The following SH3TC2 variants were observed in gnomAD, a reference collection of about 807,000 sequenced individuals.
SH3TC2 encodes SH3 domain and tetratricopeptide repeats 2.
SH3TC2 carries 87 observed loss-of-function variants against 124.5 expected under a neutral mutation model. That is an observed-to-expected ratio of 0.70 (90% CI 0.59 to 0.84). SH3TC2 has a LOEUF of 0.84. SH3TC2 is among the 40% of genes least tolerant of loss of function. The pLI is 0.00. For synonymous variants in SH3TC2, 634 were observed against 628.5 expected, an observed-to-expected ratio of 1.01 and a Z score of -0.13; for missense variants, 1,536 against 1,566.4, an observed-to-expected ratio of 0.98 and a Z score of 0.33.
At chr5:149,061,871 G>A (rs1346617708) in intron 1 of SH3TC2, among the ~76,000 whole-genome samples, 1 of 152,098 alleles carries the variant, frequency 6.6e-6, no homozygotes, top group Non-Finnish European at 1.5e-5. Context: ...ATTGTTCATA[G>A]CTAAAGTCGT....
intron 15 of SH3TC2, chr5:149,007,891 A>T (rs1034435761): frequency 6.6e-6 from 1 of 152,632 alleles, no homozygotes; most frequent in African/African-American, 2.4e-5. Flanking sequence ...TGGAAAAATC[A>T]GCCACAGGGG....
rs1391677936 is a variant in SH3TC2, at chr5:149,004,682, C to T, written c.*29G>A. 2 of 1,610,614 alleles carry T rather than the reference C, an allele frequency of 1.2e-6. No individual in the cohort carries two copies. ...GCAGTGGGGTCAGAGTCTGGCCATGCCAAATGTCCAGAGACAGGACAGCTT... is the reference window on the plus strand; with the variant it reads ...GCAGTGGGGTCAGAGTCTGGCCATGTCAAATGTCCAGAGACAGGACAGCTT... On this transcript the variant is annotated 3_prime_UTR_variant, in exon 17 of 17. Transcript: ENST00000515425.
In SH3TC2 at chr5:148,994,730, GGATGGATGAATAGATGGATGAATA is replaced by G. The variant is rs886060146; in HGVS notation, c.*9957_*9980del. 2.0e-5 allele frequency among the ~76,000 whole-genome samples: 3 copies of G among 151,552 alleles called. No individual in the cohort carries two copies. The highest frequency in any genetic ancestry group is 7.3e-5 in the African/African-American group (3 of 41,218). ...TGGATGGATGGATGGATGGATGGAT[GGATGGATGAATAGATGGATGAATA>G]GATGGATGAATAGATGGATAACCGT... is the stretch of plus-strand genomic sequence containing the variant. On this transcript the variant is annotated 3_prime_UTR_variant, in exon 17 of 17. Coordinates refer to ENST00000515425, the MANE Select transcript of SH3TC2 (RefSeq NM_024577.4).
At chr5:149,031,274 C>G (rs961524304) in intron 9 of SH3TC2, among the ~76,000 whole-genome samples, 4 of 152,150 alleles carry the variant, frequency 2.6e-5, no homozygotes, top group African/African-American at 9.7e-5. Context: ...TTCTCCTCCC[C>G]CAAGATTAGG....
At chr5:149,031,460 A>G in intron 9 of SH3TC2, 94 bp downstream of exon 9, 1 of 1,546,576 alleles carries the variant, frequency 6.5e-7, no homozygotes, top group South Asian at 1.1e-5. Flanking sequence ...CATGAATAGG[A>G]TTAGAATTTA....
At chr5:149,062,261 A>G (rs556562752) in intron 1 of SH3TC2, 125 of 488,692 alleles carry the variant, frequency 2.6e-4, no homozygotes, top group Admixed American at 2.4e-3. Context: ...TAAACACCAC[A>G]CAAGAGAACA....
chr5:149,005,146 T>C (rs1482229129), intron 16 of SH3TC2, among the ~76,000 whole-genome samples: 1 of 152,102 alleles, frequency 6.6e-6, no homozygotes, highest in Non-Finnish European at 1.5e-5. Context: ...TTACTGAGGC[T>C]CAGCCAATCA....
intron 1 of SH3TC2, among the ~76,000 whole-genome samples, chr5:149,059,129 G>C (rs954985739): frequency 6.6e-6 from 1 of 152,074 alleles, no homozygotes; most frequent in Admixed American, 6.5e-5. Flanking sequence ...AATGAATGAA[G>C]GAAGGGATTT....
intron 8 of SH3TC2, among the ~76,000 whole-genome samples, chr5:149,032,950 C>T (rs1250125589): frequency 2.0e-5 from 3 of 152,138 alleles, no homozygotes; most frequent in Non-Finnish European, 4.4e-5. Context: ...AAATCTACAA[C>T]TAAATTCAAC....
rs948725951 is a variant in SH3TC2 at position 148,994,415 on chromosome 5, T to C, written c.*10296A>G. ...GGTAAAAGTGCTCAAATCTAAGCTG[T>C]GATGGTAAGAATAATAGGTAAGTTT... On this transcript the variant is annotated 3_prime_UTR_variant, in exon 17 of 17. Transcript: ENST00000515425. Among the ~76,000 whole-genome samples, 1 of 152,204 alleles carries C rather than the reference T, an allele frequency of 6.6e-6. No homozygotes were observed. Among genetic ancestry groups the C allele is most frequent in the African/African-American group, 2.4e-5 (1 of 41,436 alleles).
At chr5:149,025,809 A>T (rs1754053015) in intron 12 of SH3TC2, 1 of 152,256 alleles carries the variant, frequency 6.6e-6, no homozygotes, top group South Asian at 2.1e-4. Context: ...TTTTTACAAA[A>T]ATGAGGATTT....
At chr5:149,045,732 C>G (rs963188696) in intron 3 of SH3TC2, 1 of 173,132 alleles carries the variant, frequency 5.8e-6, no homozygotes, top group Non-Finnish European at 1.2e-5. Flanking sequence ...CTGCAACCTC[C>G]GCCTCCCAGG....
rs1212640755 is a variant in SH3TC2, at chr5:148,995,360, A to G, written c.*9351T>C. Among the ~76,000 whole-genome samples, 1 of 152,172 alleles carries G rather than the reference A, an allele frequency of 6.6e-6. No individual in the cohort carries two copies. Among genetic ancestry groups the G allele is most frequent in the African/African-American group, 2.4e-5 (1 of 41,436 alleles). On this transcript the variant is annotated 3_prime_UTR_variant, in exon 17 of 17. Transcript: ENST00000515425. ...TCACCTTCTTTGGAGGATCATTTGG[A>G]GGATCAAATCCTATACTGTGGGTAA...
At chr5:149,058,071 C>T (rs1207180378) in intron 1 of SH3TC2, among the ~76,000 whole-genome samples, 1 of 152,132 alleles carries the variant, frequency 6.6e-6, no homozygotes, top group East Asian at 1.9e-4. Flanking sequence ...AAAAACAGAG[C>T]TTAGGAAAGA....
intron 9 of SH3TC2, 57 bp from the exon 10 acceptor site, chr5:149,028,775 T>C (rs560945700): frequency 1.9e-6 from 3 of 1,579,126 alleles, no homozygotes; most frequent in African/African-American, 1.3e-5. Flanking sequence ...ACCATGCCCA[T>C]GCCTCCAGGT....
In SH3TC2 at chr5:149,034,186, C is replaced by T. The variant is rs537946090; in HGVS notation, c.1002-2499G>A. 3.3e-5 allele frequency among the ~76,000 whole-genome samples: 5 copies of T among 151,990 alleles called. 1 individual carries two copies. Among genetic ancestry groups the T allele is most frequent in the South Asian group, 2.1e-4 (1 of 4,796 alleles). On this transcript the variant is annotated intron_variant, in intron 8 of 16. Coordinates refer to ENST00000515425, the MANE Select transcript of SH3TC2 (RefSeq NM_024577.4). ...ATATGAAAAATAGCAAAATATAAAT[C>T]GTAGAAAATGGAAAATAAAGGCACA...
chr5:149,026,872 GAT>G lies in SH3TC2; in HGVS notation c.2858_2859del (p.His953ProfsTer25), dbSNP rs766748070. ...YEMALLFGLR[H>X]RHLKSQLQAT... ...GGGACATACTTACTCTTTAGATGTC[GAT>G]GCCTTAAGCCAAACAGCAATGCCAT... On this transcript the variant is annotated frameshift_variant, in exon 11 of 17. Coordinates refer to ENST00000515425, the MANE Select transcript of SH3TC2 (RefSeq NM_024577.4). LOFTEE classifies it high-confidence loss of function. 2 of 1,614,134 alleles carry G rather than the reference GAT, an allele frequency of 1.2e-6. No individual in the cohort carries two copies.
intron 7 of SH3TC2, among the ~76,000 whole-genome samples, chr5:149,039,694 G>A (rs1461763356): frequency 6.6e-6 from 1 of 152,164 alleles, no homozygotes; most frequent in African/African-American, 2.4e-5. Context: ...TTTTACTAAT[G>A]AGGAAGTTGC....
intron 2 of SH3TC2, among the ~76,000 whole-genome samples, chr5:149,051,221 A>T (rs1754550444): frequency 6.6e-6 from 1 of 152,160 alleles, no homozygotes; most frequent in South Asian, 2.1e-4. Flanking sequence ...TTTGTGAGAG[A>T]TGTGTATTAA....
Sources: allele counts gnomAD v4.1 joint callset (sites outside exome capture counted in the v4.1 genomes callset), GRCh38; gene constraint gnomAD v4.1.1; transcripts MANE v1.5; gene names NCBI Gene and HGNC (gene_info 2026-07-23, HGNC 2026-07-21).